EFCAB11: variants seen among roughly 807,000 people sequenced by gnomAD.
The protein encoded by EFCAB11 is EF-hand calcium binding domain 11.
A neutral mutation model predicts 23.0 loss-of-function variants in EFCAB11; 14 were observed. That is an observed-to-expected ratio of 0.61 (90% CI 0.40 to 0.95). The LOEUF (loss-of-function observed/expected upper bound fraction) is 0.95. Among genes scored for constraint, EFCAB11 ranks in the 40% least tolerant of loss-of-function variants. The pLI, the probability that EFCAB11 is intolerant of heterozygous loss-of-function variation, is 0.00. For missense variants in EFCAB11, 198 were observed against 195.8 expected (o/e 1.01, Z -0.07); for synonymous variants, 65 against 66.6 (o/e 0.98, Z 0.11).
At chr14:89,820,993 G>A (rs1886498271) in intron 5 of EFCAB11, among the ~76,000 whole-genome samples, 1 of 152,004 alleles carries the variant, frequency 6.6e-6, no homozygotes. Context: ...TCAGCTCACT[G>A]CCACCTTGAA....
intron 5 of EFCAB11, among the ~76,000 whole-genome samples, chr14:89,922,626 T>C (rs1459942072): frequency 6.6e-6 from 1 of 152,082 alleles, no homozygotes. Flanking sequence ...AAAAAGCCTG[T>C]GGTTTTTTTT....
chr14:89,896,074 A>G (rs926075797), intron 5 of EFCAB11, among the ~76,000 whole-genome samples: 1 of 152,148 alleles, frequency 6.6e-6, no homozygotes, highest in African/African-American at 2.4e-5. Flanking sequence ...TATTAAACCC[A>G]CTCAACCGGG....
At chr14:89,939,658 T>G (rs7154092) in intron 3 of EFCAB11, among the ~76,000 whole-genome samples, 103,837 of 152,166 alleles carry the variant, frequency 0.68, 36,812 homozygotes, top group African/African-American at 0.89. Context: ...TGAACTCTTA[T>G]AGGTTTTCTT....
At chr14:89,954,558 G>A in intron 1 of EFCAB11, 28 bp downstream of exon 1, 1 of 1,611,568 alleles carries the variant, frequency 6.2e-7, no homozygotes. Flanking sequence ...GCTGAAGTCC[G>A]AGGCTCAGTC....
intron 5 of EFCAB11, among the ~76,000 whole-genome samples, chr14:89,808,688 T>A (rs1362641559): frequency 6.6e-6 from 1 of 152,090 alleles, no homozygotes; most frequent in African/African-American, 2.4e-5. Flanking sequence ...ACATAAAAAA[T>A]GAATAACATT....
intron 5 of EFCAB11, among the ~76,000 whole-genome samples, chr14:89,840,334 C>T (rs929263293): frequency 1.3e-5 from 2 of 152,122 alleles, no homozygotes; most frequent in African/African-American, 4.8e-5. Context: ...TTTACAATTG[C>T]AATGAAGAAA....
intron 5 of EFCAB11, chr14:89,799,547 CTT>C (rs568404631): frequency 1.9e-4 from 29 of 152,304 alleles, no homozygotes; most frequent in Admixed American, 1.8e-3. Flanking sequence ...AAAAAGCCCT[CTT>C]GTTTCTGTTA....
intron 5 of EFCAB11, among the ~76,000 whole-genome samples, chr14:89,917,887 C>T (rs540798430): frequency 2.6e-5 from 4 of 152,188 alleles, no homozygotes; most frequent in Non-Finnish European, 5.9e-5. Flanking sequence ...TAAGGCAACA[C>T]GTAGTTGGTA....
At chr14:89,946,073 C>T (rs1300531703) in intron 3 of EFCAB11, among the ~76,000 whole-genome samples, 1 of 151,968 alleles carries the variant, frequency 6.6e-6, no homozygotes, top group Non-Finnish European at 1.5e-5. Flanking sequence ...CATGCACCAC[C>T]ATGTCCAGCT....
chr14:89,843,076 C>A (rs1887322420), intron 5 of EFCAB11, among the ~76,000 whole-genome samples: 1 of 152,122 alleles, frequency 6.6e-6, no homozygotes, highest in Non-Finnish European at 1.5e-5. Flanking sequence ...GCAAGGTCCA[C>A]TCCTGTCTAG....
Position 89,837,767 on chromosome 14 carries a change from G to T in EFCAB11, c.411-40443C>A, listed in dbSNP as rs922384258. On this transcript the variant is annotated intron_variant, in intron 5 of 5. Transcript: ENST00000316738. ...GTAGGGGCAGGTGCTGAAAAGACAT[G>T]GGGTCTGAGGTTTCTACATCTGCAA... 1.2e-3 allele frequency among the ~76,000 whole-genome samples: 182 copies of T among 152,246 alleles called. 1 individual carries two copies. Among genetic ancestry groups the T allele is most frequent in the African/African-American group, 4.0e-3 (168 of 41,550 alleles).
intron 5 of EFCAB11, chr14:89,924,208 G>A: frequency 1.0e-6 from 1 of 986,166 alleles, no homozygotes; most frequent in African/African-American, 1.7e-5. Flanking sequence ...CAAAAAAGGA[G>A]AGTTAGATGT....
intron 5 of EFCAB11, among the ~76,000 whole-genome samples, chr14:89,800,287 T>G (rs758166561): frequency 6.6e-6 from 1 of 152,168 alleles, no homozygotes; most frequent in Non-Finnish European, 1.5e-5. Flanking sequence ...GATTACAGTT[T>G]CCATGCTCAA....
At chr14:89,919,338 C>A (rs577080155) in intron 5 of EFCAB11, among the ~76,000 whole-genome samples, 1 of 152,324 alleles carries the variant, frequency 6.6e-6, no homozygotes, top group South Asian at 2.1e-4. Context: ...GTCCAAGCAC[C>A]TGAGCCCACT....
chr14:89,814,186 G>T (rs761719793), intron 5 of EFCAB11, among the ~76,000 whole-genome samples: 1 of 151,360 alleles, frequency 6.6e-6, no homozygotes, highest in Non-Finnish European at 1.5e-5. Context: ...CAGAACAAAT[G>T]TCCTGAAGTG....
At chr14:89,862,655 A>C (rs1887960931) in intron 5 of EFCAB11, among the ~76,000 whole-genome samples, 1 of 152,262 alleles carries the variant, frequency 6.6e-6, no homozygotes. Context: ...ACAACACATA[A>C]GTTGTTCTTA....
intron 5 of EFCAB11, among the ~76,000 whole-genome samples, chr14:89,909,153 G>A (rs1889582975): frequency 6.6e-6 from 1 of 152,194 alleles, no homozygotes; most frequent in South Asian, 2.1e-4. Context: ...TGCATGCTGG[G>A]CTGGACAAAC....
intron 5 of EFCAB11, among the ~76,000 whole-genome samples, chr14:89,913,420 C>T (rs571689549): frequency 6.6e-5 from 10 of 152,178 alleles, no homozygotes; most frequent in African/African-American, 2.2e-4. Flanking sequence ...GTCTATGTAA[C>T]CTTGGGTGAG....
chr14:89,881,550 T>A (rs148070638), intron 5 of EFCAB11, among the ~76,000 whole-genome samples: 1 of 146,776 alleles, frequency 6.8e-6, no homozygotes. Context: ...CAGGTTCAAG[T>A]GATTCTCCTG....
Sources: allele counts gnomAD v4.1 joint callset (sites outside exome capture counted in the v4.1 genomes callset), GRCh38; gene constraint gnomAD v4.1.1; transcripts MANE v1.5; gene names NCBI Gene and HGNC (gene_info 2026-07-23, HGNC 2026-07-21).